Variants in SLIT3 observed in about 807,000 individuals in gnomAD.
SLIT3 encodes slit guidance ligand 3.
SLIT3 carries 68 observed loss-of-function variants against 184.0 expected under a neutral mutation model. The observed-to-expected ratio is 0.37, with a 90% CI of 0.30 to 0.45. The LOEUF (loss-of-function observed/expected upper bound fraction) is 0.45, where lower values mean the gene tolerates loss of function less well. Among genes scored for constraint, SLIT3 ranks in the 20% least tolerant of loss-of-function variants. SLIT3 has a pLI of 1.00. For missense variants in SLIT3, 1,707 were observed against 2,026.0 expected (o/e 0.84, Z 3.02); for synonymous variants, 831 against 828.6 (o/e 1.00, Z -0.05).
intron 24 of SLIT3, among the ~76,000 whole-genome samples, chr5:168,712,011 A>G (rs1449436336): frequency 6.6e-6 from 1 of 152,246 alleles, no homozygotes; most frequent in Non-Finnish European, 1.5e-5. Flanking sequence ...TAAGAAATAA[A>G]TAGAAAACTT....
chr5:168,782,550 GC>G (rs1756011782), intron 12 of SLIT3, among the ~76,000 whole-genome samples: 1 of 152,174 alleles, frequency 6.6e-6, no homozygotes, highest in Non-Finnish European at 1.5e-5. Flanking sequence ...GCCTGGGTGG[GC>G]AGGGGAAGGT....
At chr5:168,670,972 G>C (rs1212431128) in intron 34 of SLIT3, among the ~76,000 whole-genome samples, 4 of 152,140 alleles carry the variant, frequency 2.6e-5, no homozygotes, top group Non-Finnish European at 5.9e-5. Context: ...GCAGAGACTA[G>C]TGTTTTGAGC....
intron 4 of SLIT3, among the ~76,000 whole-genome samples, chr5:168,902,510 A>T (rs1760904281): frequency 6.6e-6 from 1 of 152,226 alleles, no homozygotes; most frequent in South Asian, 2.1e-4. Flanking sequence ...GTGAAGGAAG[A>T]GTAGGAATTA....
chr5:169,071,498 G>C (rs527998985), intron 4 of SLIT3, among the ~76,000 whole-genome samples: 4 of 152,292 alleles, frequency 2.6e-5, no homozygotes, highest in Admixed American at 2.6e-4. Context: ...AGGGCACCCA[G>C]AGCGATAAAT....
At chr5:169,278,512 T>C (rs1196135439) in intron 1 of SLIT3, among the ~76,000 whole-genome samples, 1 of 152,034 alleles carries the variant, frequency 6.6e-6, no homozygotes, top group Non-Finnish European at 1.5e-5. Context: ...ATAAAGGCAC[T>C]TAGCACAGTG....
At chr5:169,164,296 C>G (rs12515725) in intron 4 of SLIT3, among the ~76,000 whole-genome samples, 72,420 of 151,992 alleles carry the variant, frequency 0.48, 17,639 homozygotes, top group African/African-American at 0.56. Flanking sequence ...ATTCAATTCC[C>G]TCGGAGAAAG....
intron 4 of SLIT3, among the ~76,000 whole-genome samples, chr5:168,958,499 A>G (rs1762907509): frequency 6.6e-6 from 1 of 152,212 alleles, no homozygotes; most frequent in Non-Finnish European, 1.5e-5. Flanking sequence ...TACAGATAGA[A>G]AGCTGAGCCC....
intron 14 of SLIT3, among the ~76,000 whole-genome samples, chr5:168,768,952 G>A (rs192050252): frequency 1.2e-4 from 19 of 152,308 alleles, no homozygotes; most frequent in African/African-American, 4.1e-4. Context: ...AAATGGGGCC[G>A]TAGGGTTTGG....
chr5:168,723,246 C>T (rs1393653730), intron 21 of SLIT3, among the ~76,000 whole-genome samples: 1 of 151,794 alleles, frequency 6.6e-6, no homozygotes, highest in Non-Finnish European at 1.5e-5. Flanking sequence ...CACCCACCCA[C>T]TTACCCATCT....
chr5:168,696,150 G>T, intron 28 of SLIT3, 142 bp downstream of exon 28: 1 of 993,474 alleles, frequency 1.0e-6, no homozygotes, highest in Non-Finnish European at 1.5e-6. Context: ...CCTTTGGGGA[G>T]CCCCTCTTGG....
chr5:168,726,940 G>A (rs1343337763), intron 20 of SLIT3, among the ~76,000 whole-genome samples: 9 of 151,900 alleles, frequency 5.9e-5, no homozygotes, highest in Non-Finnish European at 1.2e-4. Context: ...AAACCCAGGA[G>A]GCAGAGGTTG....
chr5:168,827,795 G>C (rs946409022), intron 6 of SLIT3, among the ~76,000 whole-genome samples: 5 of 152,148 alleles, frequency 3.3e-5, no homozygotes, highest in Admixed American at 3.3e-4. Flanking sequence ...ACAGCTCCAG[G>C]GGTTGGCAAA....
chr5:168,893,813 G>GC (rs1240202372), intron 4 of SLIT3, among the ~76,000 whole-genome samples: 1 of 152,190 alleles, frequency 6.6e-6, no homozygotes, highest in Non-Finnish European at 1.5e-5. Flanking sequence ...GCTGACCTGG[G>GC]CCCCCTCATT....
chr5:168,698,608 C>T (rs560133233), intron 27 of SLIT3, among the ~76,000 whole-genome samples: 11 of 152,262 alleles, frequency 7.2e-5, no homozygotes, highest in African/African-American at 2.6e-4. Context: ...CTGGTGATTA[C>T]AGCCACCCAG....
intron 4 of SLIT3, among the ~76,000 whole-genome samples, chr5:168,920,163 C>G (rs554785395): frequency 6.4e-4 from 98 of 152,166 alleles, no homozygotes; most frequent in Non-Finnish European, 1.1e-3. Context: ...ATCTGGTCCT[C>G]ACTTGGGCAG....
chr5:168,745,905 G>C (rs1361746892), intron 20 of SLIT3, among the ~76,000 whole-genome samples: 1 of 152,134 alleles, frequency 6.6e-6, no homozygotes, highest in East Asian at 1.9e-4. Flanking sequence ...TCAACATCAA[G>C]ACAAGACCCC....
intron 11 of SLIT3, among the ~76,000 whole-genome samples, chr5:168,786,761 A>T (rs1756167902): frequency 6.6e-6 from 1 of 151,962 alleles, no homozygotes; most frequent in African/African-American, 2.4e-5. Flanking sequence ...GGGCGTCTTT[A>T]TGCCTGGCCC....
Position 169,139,676 on chromosome 5 carries a change from C to T in SLIT3, c.413+53803G>A, listed in dbSNP as rs71603901. ...AAAAACTGCAATGAGCAAAATACAC[C>T]AGGAAATAGTTAGTGATGGAGGGAA... On this transcript the variant is annotated intron_variant, in intron 4 of 35. Coordinates refer to ENST00000519560, the MANE Select transcript of SLIT3 (RefSeq NM_003062.4). 5.2e-3 allele frequency among the ~76,000 whole-genome samples: 786 copies of T among 152,206 alleles called. 5 individuals carry two copies. Among genetic ancestry groups the T allele is most frequent in the South Asian group, 0.029 (139 of 4,808 alleles).
intron 4 of SLIT3, among the ~76,000 whole-genome samples, chr5:168,906,335 T>G (rs1487200768): frequency 6.6e-6 from 1 of 152,230 alleles, no homozygotes; most frequent in East Asian, 1.9e-4. Flanking sequence ...GGCAATTTAT[T>G]GGGAGCTATT....
Sources: allele counts gnomAD v4.1 joint callset (sites outside exome capture counted in the v4.1 genomes callset), GRCh38; gene constraint gnomAD v4.1.1; transcripts MANE v1.5; gene names NCBI Gene and HGNC (gene_info 2026-07-23, HGNC 2026-07-21).